The following SCLY variants were observed in gnomAD, a reference collection of about 807,000 sequenced individuals.
SCLY encodes selenocysteine lyase, also known as putative selenocysteine lyase.
Under a neutral mutation model 50.1 loss-of-function variants are expected in SCLY, and 38 were observed. The observed-to-expected ratio is 0.76, with a 90% CI of 0.59 to 0.99. SCLY has a LOEUF of 0.99. Among genes scored for constraint, SCLY ranks in the 50% least tolerant of loss-of-function variants. SCLY has a pLI of 0.00. For synonymous variants in SCLY, 243 were observed against 249.4 expected (o/e 0.97, Z 0.24); for missense variants, 600 against 620.0 (o/e 0.97, Z 0.34).
rs768293980 is a variant in SCLY, at chr2:238,077,384, CAT to C, written c.485-4324_485-4323del. ...AATCCATTTATGTCTTTAAATCTGA[CAT>C]GTTGTAATACACTGTTAGAGACATA... On this transcript the variant is annotated intron_variant, in intron 4 of 11. Coordinates refer to ENST00000254663, the MANE Select transcript of SCLY (RefSeq NM_016510.7). Among the ~76,000 whole-genome samples the C allele has an allele frequency of 4.3e-4, 66 of 152,164 alleles. 1 individual carries two copies. The highest frequency in any genetic ancestry group is 2.5e-4 in the Non-Finnish European group (17 of 68,030).
At chr2:238,063,945 G>C (rs914723766) in intron 1 of SCLY, among the ~76,000 whole-genome samples, 1 of 152,036 alleles carries the variant, frequency 6.6e-6, no homozygotes, top group African/African-American at 2.4e-5. Flanking sequence ...TGTGTTGCCC[G>C]GGCTGGAGTG....
At chr2:238,093,791 G>A (rs1019764011) in intron 8 of SCLY, 70 bp from the exon 9 acceptor site, 22 of 1,425,016 alleles carry the variant, frequency 1.5e-5, no homozygotes, top group East Asian at 4.8e-5. Flanking sequence ...CACCTGTACC[G>A]TTGAAAGCTT....
intron 1 of SCLY, chr2:238,061,365 A>C: frequency 1.4e-6 from 1 of 692,892 alleles, no homozygotes; most frequent in Non-Finnish European, 2.7e-6. Flanking sequence ...TTTGGGGCCG[A>C]AACCCGAGTG....
rs1273990626 is a variant in SCLY at position 238,083,301 on chromosome 2, C to T, written c.831C>T (p.Thr277=). 6.2e-6 allele frequency: 10 copies of T among 1,613,800 alleles called. No homozygotes were observed. The highest frequency in any genetic ancestry group is 1.6e-4 in the Middle Eastern group (1 of 6,082). ...ALYIRGLGEF[T]PLYPMLFGGG... Reference sequence around the variant, plus strand: ...ATATACGAGGACTTGGTGAATTTACCCCTCTCTACCCTATGCTATTTGGAG... The same window carrying T: ...ATATACGAGGACTTGGTGAATTTACTCCTCTCTACCCTATGCTATTTGGAG... The change falls in exon 7 of 12, where the codon ACC becomes ACT. Residue 277 remains threonine (T), a synonymous_variant. Coordinates refer to ENST00000254663, the MANE Select transcript of SCLY (RefSeq NM_016510.7). This position sits in a 1 kb window ranked among gnomAD's most constrained non-coding sequence, Gnocchi z 4.3.
intron 1 of SCLY, among the ~76,000 whole-genome samples, chr2:238,063,651 G>A (rs1279475540): frequency 6.6e-6 from 1 of 152,210 alleles, no homozygotes; most frequent in Non-Finnish European, 1.5e-5. Flanking sequence ...GAAAGTGCAA[G>A]GTCTGGGGCC....
At chr2:238,095,190 ACT>A (rs2065415502) in intron 10 of SCLY, among the ~76,000 whole-genome samples, 1 of 152,004 alleles carries the variant, frequency 6.6e-6, no homozygotes, top group African/African-American at 2.4e-5. Context: ...AGTGAGTGAG[ACT>A]CTGTCTCAAA....
rs535353509 is a variant in SCLY, at chr2:238,087,404, G to GA, written c.885-3813dup. On this transcript the variant is annotated intron_variant, in intron 7 of 11. Transcript: ENST00000254663. ...CTACACATAGGAAGTTGACAACTTA[G>GA]ATGAAACTGACCACTTCCTCAAAAA... Among the ~76,000 whole-genome samples the GA allele has an allele frequency of 3.9e-5, 6 of 152,320 alleles. No individual in the cohort carries two copies. In the South Asian group the frequency reaches 1.2e-3, roughly 32 times the overall value.
At chr2:238,076,730 AAAAAAAAAG>A (rs1006098174) in intron 4 of SCLY, among the ~76,000 whole-genome samples, 3 of 133,738 alleles carry the variant, frequency 2.2e-5, no homozygotes, top group African/African-American at 8.3e-5. Flanking sequence ...ATTAAAAAAA[AAAAAAAAAG>A]AGTGTATTGT....
intron 7 of SCLY, among the ~76,000 whole-genome samples, chr2:238,085,006 T>C (rs2065278700): frequency 1.3e-5 from 2 of 151,590 alleles, no homozygotes; most frequent in Non-Finnish European, 2.9e-5. Flanking sequence ...AACAGAAAGA[T>C]TGAATAAGAT....
rs1049924633 is a variant in SCLY at position 238,083,520 on chromosome 2, G to C, written c.884+166G>C. ...GCTCCACTGATTGATTTTACACTGA[G>C]GGCTCACAGGACCTGCAGTCTCTTT... is the stretch of plus-strand genomic sequence containing the variant. On this transcript the variant is annotated intron_variant, in intron 7 of 11. Coordinates refer to ENST00000254663, the MANE Select transcript of SCLY (RefSeq NM_016510.7). This position sits in a 1 kb window ranked among gnomAD's most constrained non-coding sequence, Gnocchi z 4.3. 2.0e-5 allele frequency among the ~76,000 whole-genome samples: 3 copies of C among 152,166 alleles called. No homozygotes were observed. The highest frequency in any genetic ancestry group is 2.9e-5 in the Non-Finnish European group (2 of 68,010).
intron 7 of SCLY, among the ~76,000 whole-genome samples, chr2:238,084,819 G>C (rs553858941): frequency 6.6e-6 from 1 of 150,454 alleles, no homozygotes; most frequent in Non-Finnish European, 1.5e-5. Flanking sequence ...ATTTGAACCC[G>C]GGAGGCGGAG....
rs1255103580 is a variant in SCLY at position 238,099,331 on chromosome 2, T to G, written c.*976T>G. On this transcript the variant is annotated 3_prime_UTR_variant, in exon 12 of 12. Transcript: ENST00000254663. ...GGAATAACATTTTTAATGTGTGGTT[T>G]TACGGTTCAAGGAACTACTTGATGA... is the stretch of plus-strand genomic sequence containing the variant. 1.1e-5 allele frequency: 5 copies of G among 471,462 alleles called. No individual in the cohort carries two copies. The Admixed American group carries it at 1.2e-4, about 11-fold the overall frequency. The allele number at this position is 471,462 out of a possible 1,614,324, so 29.2% of individuals were successfully genotyped here. A position where few individuals can be genotyped will look rare whatever the true frequency, so the allele number is the denominator to read the frequency against.
chr2:238,075,371 C>A (rs1284595408), intron 4 of SCLY, among the ~76,000 whole-genome samples: 1 of 152,166 alleles, frequency 6.6e-6, no homozygotes, highest in African/African-American at 2.4e-5. Context: ...AGTTTAGTGT[C>A]AGGGTAAAAT....
intron 9 of SCLY, 111 bp from the exon 10 acceptor site, chr2:238,094,309 G>C: frequency 1.1e-6 from 1 of 902,102 alleles, no homozygotes; most frequent in Non-Finnish European, 1.8e-6. Context: ...GATGCTGATT[G>C]AAAAGTATGC....
At chr2:238,079,056 TTC>T (rs1307197863) in intron 4 of SCLY, 3 of 138,954 alleles carry the variant, frequency 2.2e-5, no homozygotes, top group Admixed American at 8.2e-5. Context: ...CTTTCTTTCT[TTC>T]TTTCTTTTTC....
chr2:238,081,370 A>G (rs931200345), intron 4 of SCLY: 8 of 219,662 alleles, frequency 3.6e-5, no homozygotes, highest in Non-Finnish European at 5.5e-5. Flanking sequence ...TGCCAAATGC[A>G]TGGCAGTGAA....
intron 7 of SCLY, among the ~76,000 whole-genome samples, chr2:238,084,538 C>G (rs1410621326): frequency 7.2e-5 from 9 of 125,772 alleles, no homozygotes; most frequent in African/African-American, 2.5e-4. Context: ...TTGCAGTGAT[C>G]CGAGATGGCA....
intron 8 of SCLY, chr2:238,091,545 T>C: frequency 9.6e-5 from 33 of 344,054 alleles, no homozygotes; most frequent in South Asian, 3.1e-4. Context: ...AAGCTGCAGG[T>C]TCACCATTCC....
chr2:238,098,255 C>A lies in SCLY; in HGVS notation c.1238C>A (p.Ala413Glu). The A allele has an allele frequency of 6.2e-7, 1 of 1,610,854 alleles. No individual in the cohort carries two copies. Residue 413 changes from alanine to glutamate, a missense_variant, in exon 12 of 12, where the codon GCG (alanine) becomes GAG (glutamate). Coordinates refer to ENST00000254663, the MANE Select transcript of SCLY (RefSeq NM_016510.7). ...YGVPFDVARN[A>E]LRLSVGRSTT... ...GTCCCCTTCGACGTGGCCAGGAACG[C>A]GCTCCGGCTCAGCGTGGGCCGCAGC...
Sources: allele counts gnomAD v4.1 joint callset (sites outside exome capture counted in the v4.1 genomes callset), GRCh38; gene constraint gnomAD v4.1.1; non-coding constraint Gnocchi (gnomAD v3.1); transcripts MANE v1.5; gene names NCBI Gene and HGNC (gene_info 2026-07-23, HGNC 2026-07-21).